The following EPS8L2 variants were observed in gnomAD, a reference collection of about 807,000 sequenced individuals.
The protein encoded by EPS8L2 is epidermal growth factor receptor kinase substrate 8-like protein 2.
EPS8L2 carries 81 observed loss-of-function variants against 99.4 expected under a neutral mutation model. The observed-to-expected ratio is 0.82, with a 90% CI of 0.68 to 0.98. EPS8L2 has a LOEUF of 0.98. Ranked by LOEUF, EPS8L2 falls within the 50% of genes least tolerant of loss-of-function variation. The pLI is 0.00. For missense variants in EPS8L2, 1,155 were observed against 968.8 expected (o/e 1.19, Z -2.55); for synonymous variants, 509 against 407.3 (o/e 1.25, Z -3.01).
At chr11:716,795 G>A (rs1862038184) in intron 4 of EPS8L2, among the ~76,000 whole-genome samples, 1 of 152,118 alleles carries the variant, frequency 6.6e-6, no homozygotes, top group Non-Finnish European at 1.5e-5. Flanking sequence ...CCTTAATTCT[G>A]TTATGATCAA....
In EPS8L2 at chr11:720,868, C is replaced by T. The variant is rs539592756; in HGVS notation, c.516C>T (p.Ala172=). The change falls in exon 7 of 21, where the codon GCC becomes GCT. Residue 172 remains alanine, a synonymous_variant. Coordinates refer to ENST00000318562, the MANE Select transcript of EPS8L2 (RefSeq NM_022772.4). ...LVHEDIESAL[A]DCRLGKKMRP... ...ACGAGGACATCGAGAGCGCGTTGGC[C>T]GACTGCCGGCTGGGCAAGAAGATGC... is the stretch of plus-strand genomic sequence containing the variant. 2.1e-6 allele frequency: 3 copies of T among 1,455,216 alleles called. No homozygotes were observed. Among genetic ancestry groups the T allele is most frequent in the Non-Finnish European group, 2.7e-6 (3 of 1,093,088 alleles). The allele number at this position is 1,455,216 out of a possible 1,614,324, so 90.1% of individuals were successfully genotyped here.
At position 720,651 on chromosome 11, in the gene EPS8L2, A is replaced by T. The variant is rs1193603753; in HGVS notation, c.382A>T (p.Asn128Tyr). ...PTVQRSQTVLNQLRYPSVLLL... is the reference protein window; with the variant it reads ...PTVQRSQTVLYQLRYPSVLLL... ...GGTGCAGCGCAGCCAGACGGTCCTC[A>T]ACCAGCTGCGCTACCCGTCTGTGCT... Residue 128 changes from asparagine (N) to tyrosine (Y), a missense_variant, in exon 6 of 21, where the codon AAC (asparagine) becomes TAC (tyrosine). Asn to Tyr is a moderately radical substitution (Grantham distance 143). Transcript: ENST00000318562. 31 of 1,598,532 alleles carry T rather than the reference A, an allele frequency of 1.9e-5. No homozygotes were observed. Among genetic ancestry groups the T allele is most frequent in the Non-Finnish European group, 2.6e-5 (30 of 1,174,282 alleles).
At chr11:716,373 C>T (rs577925608) in intron 4 of EPS8L2, among the ~76,000 whole-genome samples, 90 of 152,214 alleles carry the variant, frequency 5.9e-4, no homozygotes, top group Middle Eastern at 6.8e-3. Context: ...TGGTCTTGAT[C>T]TCCTGACTTT....
In EPS8L2 at chr11:720,862, G is replaced by A; in HGVS notation, c.510G>A (p.Ala170=). The change falls in exon 7 of 21, where the codon GCG becomes GCA. Residue 170 remains alanine, a synonymous_variant. Transcript: ENST00000318562. ...TGGTGCACGAGGACATCGAGAGCGC[G>A]TTGGCCGACTGCCGGCTGGGCAAGA... ...AELVHEDIES[A]LADCRLGKKM... is the part of the protein sequence containing the mutation. The A allele has an allele frequency of 6.5e-7, 1 of 1,526,962 alleles. No homozygotes were observed. Among genetic ancestry groups the A allele is most frequent in the Non-Finnish European group, 8.8e-7 (1 of 1,140,144 alleles). The allele number at this position is 1,526,962 out of a possible 1,614,324, so 94.6% of individuals were successfully genotyped here.
Position 709,459 on chromosome 11 carries a change from C to CG in EPS8L2, c.44+8_44+9insG. On this transcript the variant is annotated intron_variant, in intron 2 of 20. Transcript: ENST00000318562. ...CTGCCCGGGTGCCACCAAGTGAGCC[C>CG]TCCCACCCATCCCGAATACCCCACC... is the stretch of plus-strand genomic sequence containing the variant. 111 of 1,575,742 alleles carry CG rather than the reference C, an allele frequency of 7.0e-5. No individual in the cohort carries two copies. The highest frequency in any genetic ancestry group is 9.1e-5 in the Non-Finnish European group (105 of 1,153,450).
In EPS8L2 at chr11:709,632, T is replaced by C. The variant is rs747749928; in HGVS notation, c.100+24T>C. On this transcript the variant is annotated intron_variant, in intron 3 of 20. Coordinates refer to ENST00000318562, the MANE Select transcript of EPS8L2 (RefSeq NM_022772.4). Reference sequence around the variant, plus strand: ...TGGTGAGTGAGGTTTGAGAACGGGCTGGACGTCACAGGGGAGAAATGGGCA... The same window carrying C: ...TGGTGAGTGAGGTTTGAGAACGGGCCGGACGTCACAGGGGAGAAATGGGCA... 5.6e-6 allele frequency: 9 copies of C among 1,611,166 alleles called. No homozygotes were observed. The South Asian group carries it at 6.6e-5, about 12-fold the overall frequency.
At chr11:708,047 C>T (rs1050258635) in intron 1 of EPS8L2, among the ~76,000 whole-genome samples, 14 of 152,216 alleles carry the variant, frequency 9.2e-5, no homozygotes, top group Admixed American at 7.8e-4. Flanking sequence ...CCAGACCCTC[C>T]CACTAGGCCA....
Position 726,351 on chromosome 11 carries a change from A to G in EPS8L2, c.1801A>G (p.Ile601Val). 6.2e-7 allele frequency: 1 copy of G among 1,611,024 alleles called. No homozygotes were observed. The highest frequency in any genetic ancestry group is 8.5e-7 in the Non-Finnish European group (1 of 1,179,280). ...GGTCAACGACGAGCTCATCCGGAAAATCAGCAACATCAGGGCGCAGCCACA... is the reference window on the plus strand; with the variant it reads ...GGTCAACGACGAGCTCATCCGGAAAGTCAGCAACATCAGGGCGCAGCCACA... The part of the protein sequence containing the change: ...DEVNDELIRK[I>V]SNIRAQPQRH... The change falls in exon 19 of 21, where the codon ATC becomes GTC. Residue 601 changes from isoleucine to valine, a missense_variant. By Grantham distance (29) the Ile-to-Val change is conservative. Transcript: ENST00000318562.
In EPS8L2 at chr11:726,696, G is replaced by C; in HGVS notation, c.2012G>C (p.Gly671Ala). Residue 671 changes from glycine to alanine, a missense_variant, in exon 20 of 21, where the codon GGC becomes GCC. By Grantham distance (60) the Gly-to-Ala change is moderately conservative (BLOSUM62 0). Coordinates refer to ENST00000318562, the MANE Select transcript of EPS8L2 (RefSeq NM_022772.4). ...LNKEELKKVCGEEGVRVYSQL... is the reference protein window; with the variant it reads ...LNKEELKKVCAEEGVRVYSQL... Reference sequence around the variant, plus strand: ...AAGGAGGAGCTGAAGAAAGTGTGCGGCGAGGAGGGCGTCCGCGTGTACAGC... The same window carrying C: ...AAGGAGGAGCTGAAGAAAGTGTGCGCCGAGGAGGGCGTCCGCGTGTACAGC... 2 of 1,587,570 alleles carry C rather than the reference G, an allele frequency of 1.3e-6. No homozygotes were observed. The highest frequency in any genetic ancestry group is 1.7e-6 in the Non-Finnish European group (2 of 1,168,514).
At chr11:726,192 C>CG (rs1862314295) in intron 18 of EPS8L2, 22 bp downstream of exon 18, 1 of 1,591,200 alleles carries the variant, frequency 6.3e-7, no homozygotes, top group African/African-American at 1.3e-5. Context: ...TGCTTCGAGG[C>CG]GGGGGTCCCG....
In EPS8L2 at chr11:724,914, C is replaced by A; in HGVS notation, c.1560+85C>A. On this transcript the variant is annotated intron_variant, in intron 16 of 20. Transcript: ENST00000318562. This position sits in a 1 kb window ranked among gnomAD's most constrained non-coding sequence, Gnocchi z 5.5. ...GCTACCAGGGGAGGTGGGGAGCGGT[C>A]TAGGGCCAGGCTGGGTGATGCCAGG... 9.6e-7 allele frequency: 1 copy of A among 1,037,930 alleles called. No homozygotes were observed. The highest frequency in any genetic ancestry group is 1.6e-5 in the African/African-American group (1 of 64,122). The allele number at this position is 1,037,930 out of a possible 1,614,324, so 64.3% of individuals were successfully genotyped here. A position where few individuals can be genotyped will look rare whatever the true frequency, so the allele number is the denominator to read the frequency against.
chr11:722,425 G>T lies in EPS8L2; in HGVS notation c.1084G>T (p.Asp362Tyr). ...GATCGTCAACACCTGCAGTGGCCCA[G>T]ACATCGCACGCTCCGTCTCCTGCCC... ...DLIVNTCSGP[D>Y]IARSVSCPLL... The change falls in exon 13 of 21, where the codon GAC (aspartate) becomes TAC (tyrosine). Residue 362 changes from aspartate to tyrosine, a missense_variant. Physicochemically the swap from Asp to Tyr is radical, Grantham distance 160. Transcript: ENST00000318562. The T allele has an allele frequency of 6.2e-7, 1 of 1,613,306 alleles. No individual in the cohort carries two copies. Among genetic ancestry groups the T allele is most frequent in the Non-Finnish European group, 8.5e-7 (1 of 1,179,932 alleles).
Position 726,472 on chromosome 11 carries a change from C to A in EPS8L2, c.1922C>A (p.Ala641Asp). 4 of 1,563,006 alleles carry A rather than the reference C, an allele frequency of 2.6e-6. No individual in the cohort carries two copies. Among genetic ancestry groups the A allele is most frequent in the Middle Eastern group, 1.7e-4 (1 of 5,986 alleles). ...GTCCGCGCCTGGCTGGAAGCCAAGG[C>A]CTTCAGCCCGCGGTGAGCGGGGGCG... is the stretch of plus-strand genomic sequence containing the variant. ...DEVRAWLEAK[A>D]FSPRIVENLG... Residue 641 changes from alanine to aspartate, a missense_variant, in exon 19 of 21, where the codon GCC (alanine) becomes GAC (aspartate). Coordinates refer to ENST00000318562, the MANE Select transcript of EPS8L2 (RefSeq NM_022772.4).
chr11:721,988 G>T lies in EPS8L2; in HGVS notation c.981G>T (p.Leu327Phe). ...CFQKIKLAIN[L>F]LAKLQKHIQN... ...AGAAAATCAAGCTGGCGATTAACTT[G>T]CTGGTGGGTCCGGTGGCCCCAGCCC... Residue 327 changes from leucine (L) to phenylalanine (F), a missense_variant, in exon 11 of 21, where the codon TTG (leucine) becomes TTT (phenylalanine). Leu to Phe is a conservative substitution (Grantham distance 22). Transcript: ENST00000318562. The T allele has an allele frequency of 6.2e-7, 1 of 1,606,148 alleles. No individual in the cohort carries two copies. The highest frequency in any genetic ancestry group is 8.5e-7 in the Non-Finnish European group (1 of 1,176,416).
chr11:725,524 GTCCCCCAGAC>G (rs1862289416), intron 16 of EPS8L2, among the ~76,000 whole-genome samples, 194 bp from the exon 17 acceptor site: 1 of 152,134 alleles, frequency 6.6e-6, no homozygotes, highest in Non-Finnish European at 1.5e-5. Flanking sequence ...GAAAAAAAGG[GTCCCCCAGAC>G]TCCTTGAGGC....
At position 721,118 on chromosome 11, in the gene EPS8L2, C is replaced by T. The variant is rs1384027113; in HGVS notation, c.612C>T (p.Gly204=). ...AGTCCATCCTGCCTCCTCCCCAGGG[C>T]CCGGCGCCCATCCCCTTCCAGCACC... The part of the protein sequence containing the change: ...QRQSILPPPQ[G]PAPIPFQHRG... Residue 204 remains glycine, a synonymous_variant, in exon 8 of 21, where the codon GGC becomes GGT. Transcript: ENST00000318562. 2.0e-6 allele frequency: 3 copies of T among 1,534,558 alleles called. No individual in the cohort carries two copies. In the African/African-American group the frequency reaches 4.1e-5, roughly 21 times the overall value.
chr11:712,061 G>A (rs536062314), intron 4 of EPS8L2, among the ~76,000 whole-genome samples: 1 of 152,076 alleles, frequency 6.6e-6, no homozygotes, highest in African/African-American at 2.4e-5. Flanking sequence ...CGAGGCGGGT[G>A]GATCACCTGA....
chr11:722,240 G>T (rs1221820909), intron 12 of EPS8L2, 75 bp downstream of exon 12: 2 of 1,565,750 alleles, frequency 1.3e-6, no homozygotes, highest in East Asian at 4.6e-5. Flanking sequence ...CGGGGTCGGG[G>T]TTGGGGCAGC....
chr11:723,292 A>G lies in EPS8L2; in HGVS notation c.1393A>G (p.Thr465Ala), dbSNP rs762876409. 3.7e-6 allele frequency: 6 copies of G among 1,603,614 alleles called. No homozygotes were observed. In the Admixed American group the frequency reaches 8.6e-5, roughly 23 times the overall value. Reference sequence around the variant, plus strand: ...AAGAAACTCCCAGAAGCACAGCCCCACTTCAGAGCCCACCCCCCCGGGGGA... The same window carrying G: ...AAGAAACTCCCAGAAGCACAGCCCCGCTTCAGAGCCCACCCCCCCGGGGGA... ...SIRNSQKHSP[T>A]SEPTPPGDAL... is the part of the protein sequence containing the mutation. Residue 465 changes from threonine (T) to alanine (A), a missense_variant, in exon 15 of 21, where the codon ACT (threonine) becomes GCT (alanine). Coordinates refer to ENST00000318562, the MANE Select transcript of EPS8L2 (RefSeq NM_022772.4).
Sources: gnomAD v4.1 joint callset for allele counts (sites outside exome capture counted in the v4.1 genomes callset) on GRCh38, gnomAD v4.1.1 for gene constraint, Gnocchi (gnomAD v3.1) non-coding constraint, MANE v1.5 for transcripts, NCBI Gene and HGNC (gene_info 2026-07-23, HGNC 2026-07-21) for gene names.